The following CUX2 variants were observed in gnomAD, a reference collection of about 807,000 sequenced individuals.
CUX2 encodes cut like homeobox 2, also known as homeobox protein cut-like 2.
Under a neutral mutation model 144.8 loss-of-function variants are expected in CUX2, and 40 were observed. That is an observed-to-expected ratio of 0.28 (90% CI 0.21 to 0.36). The LOEUF (loss-of-function observed/expected upper bound fraction) is 0.36, where lower values mean the gene tolerates loss of function less well. Ranked by LOEUF, CUX2 falls within the 10% of genes least tolerant of loss-of-function variation. The pLI, the probability that CUX2 is intolerant of heterozygous loss-of-function variation, is 1.00. For synonymous variants in CUX2, 827 were observed against 875.6 expected, an observed-to-expected ratio of 0.94 and a Z score of 0.98; for missense variants, 1,615 against 1,994.0, an observed-to-expected ratio of 0.81 and a Z score of 3.62.
intron 1 of CUX2, among the ~76,000 whole-genome samples, chr12:111,036,872 TC>T (rs2135998140): frequency 1.3e-5 from 2 of 148,826 alleles, no homozygotes; most frequent in East Asian, 4.0e-4. Flanking sequence ...CTTCAGCTGG[TC>T]CCCTGGCCAA....
rs1475256058 is a variant in CUX2, at chr12:111,034,315, C to A, written c.63+75C>A. 1.0e-6 allele frequency: 1 copy of A among 968,216 alleles called. No homozygotes were observed. Among genetic ancestry groups the A allele is most frequent in the African/African-American group, 1.8e-5 (1 of 56,152 alleles). The allele number at this position is 968,216 out of a possible 1,614,324, so 60.0% of individuals were successfully genotyped here. On this transcript the variant is annotated intron_variant, in intron 1 of 21. Transcript: ENST00000261726. The surrounding 1 kb of genome is among the most constrained non-coding windows in gnomAD (Gnocchi z 4.2). ...GCCCTGGGCGCATTGGGGAGGTCCC[C>A]GGGCGGGCAGGCGGACGCCCTGGGG... is the stretch of plus-strand genomic sequence containing the variant.
chr12:111,052,621 TTGTATC>T (rs1372310166), intron 1 of CUX2, among the ~76,000 whole-genome samples: 1 of 152,122 alleles, frequency 6.6e-6, no homozygotes, highest in East Asian at 1.9e-4. Flanking sequence ...GTGTGTGTCT[TTGTATC>T]TGTGTTTTTC....
chr12:111,063,990 G>A (rs906470389), intron 1 of CUX2, among the ~76,000 whole-genome samples: 1 of 152,202 alleles, frequency 6.6e-6, no homozygotes, highest in Admixed American at 6.5e-5. Flanking sequence ...GGGAATGAAT[G>A]TTCTCTGGGA....
At chr12:111,150,171 A>G (rs565768302) in intron 1 of CUX2, among the ~76,000 whole-genome samples, 5 of 152,274 alleles carry the variant, frequency 3.3e-5, no homozygotes, top group African/African-American at 1.2e-4. Flanking sequence ...CTTCATTACT[A>G]TTTGTCGACA....
chr12:111,151,457 A>T (rs769792805), intron 1 of CUX2, among the ~76,000 whole-genome samples: 7 of 152,210 alleles, frequency 4.6e-5, no homozygotes, highest in Non-Finnish European at 1.0e-4. Flanking sequence ...TGCATCATGA[A>T]TGCAATATAA....
intron 3 of CUX2, among the ~76,000 whole-genome samples, chr12:111,237,435 C>G (rs556286054): frequency 6.6e-6 from 1 of 152,318 alleles, no homozygotes; most frequent in South Asian, 2.1e-4. Context: ...CTGTCCTCAC[C>G]TGGGCCTCCT....
intron 6 of CUX2, among the ~76,000 whole-genome samples, chr12:111,294,538 G>T (rs1885864388): frequency 6.7e-6 from 1 of 148,572 alleles, no homozygotes. Flanking sequence ...AGCTATGATT[G>T]CGCCACTGCA....
Position 111,035,811 on chromosome 12 carries a change from T to C in CUX2, c.63+1571T>C, listed in dbSNP as rs766665264. On this transcript the variant is annotated intron_variant, in intron 1 of 21. Transcript: ENST00000261726. This position sits in a 1 kb window ranked among gnomAD's most constrained non-coding sequence, Gnocchi z 6.0. ...GGCACTGAGGCATGCAGTTAATAAC[T>C]GCCGAGTGCCTTGCAATTCCGGGTC... 9.2e-5 allele frequency among the ~76,000 whole-genome samples: 14 copies of C among 152,032 alleles called. No individual in the cohort carries two copies. The highest frequency in any genetic ancestry group is 1.9e-4 in the Non-Finnish European group (13 of 68,010).
intron 1 of CUX2, among the ~76,000 whole-genome samples, chr12:111,213,128 C>CTA (rs1881323896): frequency 6.6e-6 from 1 of 152,144 alleles, no homozygotes; most frequent in African/African-American, 2.4e-5. Flanking sequence ...TATTGCATCA[C>CTA]CGGATTTAGG....
At chr12:111,174,206 G>A (rs1340485634) in intron 1 of CUX2, among the ~76,000 whole-genome samples, 1 of 152,204 alleles carries the variant, frequency 6.6e-6, no homozygotes, top group Non-Finnish European at 1.5e-5. Context: ...GGCTGCCAGG[G>A]TGGAAGTGAG....
At chr12:111,161,196 A>G (rs1877743864) in intron 1 of CUX2, among the ~76,000 whole-genome samples, 1 of 152,138 alleles carries the variant, frequency 6.6e-6, no homozygotes, top group South Asian at 2.1e-4. Flanking sequence ...CTTTATCCCC[A>G]TCAGCTGTCT....
chr12:111,103,262 G>A (rs1428374238), intron 1 of CUX2, among the ~76,000 whole-genome samples: 1 of 152,176 alleles, frequency 6.6e-6, no homozygotes, highest in East Asian at 1.9e-4. Flanking sequence ...GTTCGGGAAC[G>A]ACCTGGCAGT....
intron 3 of CUX2, among the ~76,000 whole-genome samples, chr12:111,228,797 CTT>C (rs1882313215): frequency 1.3e-5 from 2 of 152,154 alleles, no homozygotes; most frequent in Admixed American, 6.5e-5. Context: ...ACAGTTCAAA[CTT>C]ACGCTGTTCA....
At chr12:111,149,158 A>G (rs78811383) in intron 1 of CUX2, among the ~76,000 whole-genome samples, 2,321 of 152,294 alleles carry the variant, frequency 0.015, 22 homozygotes, top group Non-Finnish European at 0.025. Flanking sequence ...CTAAGACCCA[A>G]TCTTCAACCA....
chr12:111,177,216 G>A (rs978188872), intron 1 of CUX2, among the ~76,000 whole-genome samples: 10 of 152,066 alleles, frequency 6.6e-5, no homozygotes, highest in African/African-American at 1.2e-4. Flanking sequence ...CAGGGCCCGC[G>A]TTTACTTGGC....
chr12:111,056,554 G>A (rs905951929), intron 1 of CUX2, among the ~76,000 whole-genome samples: 3 of 152,216 alleles, frequency 2.0e-5, no homozygotes, highest in Non-Finnish European at 2.9e-5. Context: ...GCTGGGTTCC[G>A]AGAGGCAACA....
intron 1 of CUX2, among the ~76,000 whole-genome samples, chr12:111,125,964 G>C (rs1162810407): frequency 2.0e-5 from 3 of 151,804 alleles, no homozygotes; most frequent in African/African-American, 7.3e-5. Context: ...GGGCCACCGG[G>C]TTATGAACTA....
chr12:111,179,739 C>T (rs182891383), intron 1 of CUX2, among the ~76,000 whole-genome samples: 5 of 151,484 alleles, frequency 3.3e-5, no homozygotes, highest in Admixed American at 2.6e-4. Context: ...TGCAGTGGTG[C>T]GATCTCAGCT....
At chr12:111,086,653 C>T (rs1185244032) in intron 1 of CUX2, among the ~76,000 whole-genome samples, 1 of 152,152 alleles carries the variant, frequency 6.6e-6, no homozygotes, top group Non-Finnish European at 1.5e-5. Context: ...TCTGCCCTTC[C>T]CAGCCATATG....
Sources: gnomAD v4.1 joint callset for allele counts (sites outside exome capture counted in the v4.1 genomes callset) on GRCh38, gnomAD v4.1.1 for gene constraint, Gnocchi (gnomAD v3.1) non-coding constraint, MANE v1.5 for transcripts, NCBI Gene and HGNC (gene_info 2026-07-23, HGNC 2026-07-21) for gene names.